Variants in ARNT2 observed in about 807,000 individuals in gnomAD.
ARNT2 encodes ARNT protein 2.
A neutral mutation model predicts 91.7 loss-of-function variants in ARNT2; 36 were observed. That is an observed-to-expected ratio of 0.39 (90% CI 0.30 to 0.52). The LOEUF is 0.52. Among genes scored for constraint, ARNT2 ranks in the 20% least tolerant of loss-of-function variants. ARNT2 has a pLI of 0.72. For synonymous variants in ARNT2, 365 were observed against 347.1 expected, an observed-to-expected ratio of 1.05 and a Z score of -0.57; for missense variants, 775 against 939.3, an observed-to-expected ratio of 0.83 and a Z score of 2.29.
chr15:80,426,967 A>G (rs1444057245), intron 1 of ARNT2, among the ~76,000 whole-genome samples: 2 of 152,088 alleles, frequency 1.3e-5, no homozygotes, highest in Non-Finnish European at 2.9e-5. Flanking sequence ...TCATCCTATC[A>G]TGGAAGCTCC....
chr15:80,439,534 G>A (rs1310432304), intron 1 of ARNT2, among the ~76,000 whole-genome samples: 1 of 152,146 alleles, frequency 6.6e-6, no homozygotes, highest in African/African-American at 2.4e-5. Flanking sequence ...CTTACTCTTA[G>A]CATTTTCCTA....
At chr15:80,455,825 G>A (rs1165322829) in intron 2 of ARNT2, among the ~76,000 whole-genome samples, 1 of 152,198 alleles carries the variant, frequency 6.6e-6, no homozygotes, top group Non-Finnish European at 1.5e-5. Context: ...ATAACTGTAT[G>A]TCTCACACCC....
intron 5 of ARNT2, among the ~76,000 whole-genome samples, chr15:80,477,731 G>T (rs759202241): frequency 3.3e-5 from 5 of 152,146 alleles, no homozygotes; most frequent in Non-Finnish European, 7.3e-5. Context: ...CTCTTTAAAA[G>T]TCCTGTCTCC....
chr15:80,475,809 C>T (rs754226970), intron 5 of ARNT2, among the ~76,000 whole-genome samples: 4 of 152,140 alleles, frequency 2.6e-5, no homozygotes, highest in Non-Finnish European at 5.9e-5. Context: ...GAAGTTTATC[C>T]AATAAGCATG....
intron 5 of ARNT2, among the ~76,000 whole-genome samples, chr15:80,485,899 A>G (rs1312431657): frequency 6.6e-6 from 1 of 152,202 alleles, no homozygotes; most frequent in Non-Finnish European, 1.5e-5. Flanking sequence ...GGGGAGGAGT[A>G]TAGTTTCCTC....
rs1235040462 is a variant in ARNT2 at position 80,551,309 on chromosome 15, A to G, written c.954+34A>G. 1.1e-5 allele frequency: 17 copies of G among 1,577,516 alleles called. No individual in the cohort carries two copies. In the East Asian group the frequency reaches 2.7e-4, roughly 25 times the overall value. On this transcript the variant is annotated intron_variant, in intron 9 of 18. Transcript: ENST00000303329. ...AAATTCGTAGCCTTTTTAATCTTAA[A>G]TGAAGGCTTATTGCCACAAAGTGCA...
At chr15:80,554,574 A>G (rs926051848) in intron 10 of ARNT2, 4 of 158,260 alleles carry the variant, frequency 2.5e-5, no homozygotes, top group Admixed American at 1.8e-4. Flanking sequence ...TGAATGTAGC[A>G]TAGACTAATG....
chr15:80,520,930 A>G (rs1897534445), intron 8 of ARNT2, among the ~76,000 whole-genome samples: 1 of 152,186 alleles, frequency 6.6e-6, no homozygotes, highest in Non-Finnish European at 1.5e-5. Context: ...ACATTGCTCT[A>G]GTATATTGAC....
rs549883568 is a variant in ARNT2 at position 80,442,923 on chromosome 15, ATC to A, written c.32-7953_32-7952del. On this transcript the variant is annotated intron_variant, in intron 1 of 18. Transcript: ENST00000303329. ...CACACTATTTTGAGGCAGTGACATCATCTCTTTCCTCTGGCGTGCCCTCCTTG... is the reference window on the plus strand; with the variant it reads ...CACACTATTTTGAGGCAGTGACATCATCTTTCCTCTGGCGTGCCCTCCTTG... 335 of 985,394 alleles carry A rather than the reference ATC, an allele frequency of 3.4e-4. 3 individuals carry two copies. In the South Asian group the frequency reaches 0.013, roughly 39 times the overall value. 61.0% of individuals were successfully genotyped at this position (985,394 alleles called of 1,614,324 possible).
At chr15:80,552,807 A>G (rs762180153) in intron 10 of ARNT2, 33 bp downstream of exon 10, 1 of 1,603,038 alleles carries the variant, frequency 6.2e-7, no homozygotes, top group South Asian at 1.1e-5. Flanking sequence ...ATGGCAATTG[A>G]CTAGAGATTT....
chr15:80,520,979 C>T (rs74027814), intron 8 of ARNT2, among the ~76,000 whole-genome samples: 2,670 of 152,194 alleles, frequency 0.018, 83 homozygotes, highest in African/African-American at 0.061. Context: ...GCAGTCTGTG[C>T]TTAGTAGTGA....
chr15:80,590,366 G>C (rs1287238426), intron 17 of ARNT2, among the ~76,000 whole-genome samples: 1 of 152,130 alleles, frequency 6.6e-6, no homozygotes, highest in Non-Finnish European at 1.5e-5. Flanking sequence ...CCTCCTCTTT[G>C]GTTGAATCTC....
At chr15:80,451,085 G>A (rs774230843) in intron 2 of ARNT2, 91 bp downstream of exon 2, 7 of 1,234,264 alleles carry the variant, frequency 5.7e-6, no homozygotes, top group South Asian at 1.3e-5. Context: ...TCCCCTTCCT[G>A]TAGAATAAAA....
At chr15:80,558,102 C>T (rs62006423) in intron 11 of ARNT2, among the ~76,000 whole-genome samples, 12,109 of 152,166 alleles carry the variant, frequency 0.08, 716 homozygotes, top group Non-Finnish European at 0.12. Flanking sequence ...GAATGCCTTT[C>T]CTTCACTCTT....
intron 1 of ARNT2, among the ~76,000 whole-genome samples, chr15:80,449,021 C>A (rs1431393250): frequency 6.6e-6 from 1 of 151,158 alleles, no homozygotes; most frequent in African/African-American, 2.5e-5. Flanking sequence ...AACAAAAAAC[C>A]AAAACTTGTG....
chr15:80,532,466 C>T (rs752485566), intron 8 of ARNT2, among the ~76,000 whole-genome samples: 14 of 152,146 alleles, frequency 9.2e-5, no homozygotes, highest in Non-Finnish European at 1.2e-4. Context: ...AATCTTATCA[C>T]CACCATCTCA....
intron 8 of ARNT2, among the ~76,000 whole-genome samples, chr15:80,533,748 C>T (rs1390968331): frequency 2.0e-5 from 3 of 152,248 alleles, no homozygotes; most frequent in Admixed American, 2.0e-4. Flanking sequence ...ACTGTGTTCC[C>T]ATTGAATCCC....
At chr15:80,457,864 G>C in intron 2 of ARNT2, 65 bp from the exon 3 acceptor site, 2 of 1,564,808 alleles carry the variant, frequency 1.3e-6, no homozygotes, top group Non-Finnish European at 1.8e-6. Context: ...TGTTCCAGCA[G>C]CTCCTGTTAC....
chr15:80,409,499 T>C (rs1166858601), intron 1 of ARNT2, among the ~76,000 whole-genome samples: 1 of 152,246 alleles, frequency 6.6e-6, no homozygotes, highest in Non-Finnish European at 1.5e-5. Context: ...TCTGGGTTGC[T>C]TCTAAGTTTT....
Sources: gnomAD v4.1 joint callset for allele counts (sites outside exome capture counted in the v4.1 genomes callset) on GRCh38, gnomAD v4.1.1 for gene constraint, MANE v1.5 for transcripts, NCBI Gene and HGNC (gene_info 2026-07-23, HGNC 2026-07-21) for gene names.